Variants in ZBTB20 observed in about 807,000 individuals in gnomAD.
The protein encoded by ZBTB20 is zinc finger and BTB domain-containing protein 20.
A neutral mutation model predicts 56.9 loss-of-function variants in ZBTB20; 9 were observed. That is an observed-to-expected ratio of 0.16 (90% CI 0.10 to 0.28). The LOEUF (loss-of-function observed/expected upper bound fraction) is 0.28, where lower values mean the gene tolerates loss of function less well. Ranked by LOEUF, ZBTB20 falls within the 10% of genes least tolerant of loss-of-function variation. The probability of loss-of-function intolerance (pLI) is 1.00; values close to 1 mark genes in which losing one functional copy is unlikely to be tolerated. For missense variants in ZBTB20, 655 were observed against 1,003.0 expected (o/e 0.65, Z 4.69); for synonymous variants, 417 against 420.7 (o/e 0.99, Z 0.11).
intron 5 of ZBTB20, among the ~76,000 whole-genome samples, chr3:114,794,988 C>T (rs920668166): frequency 5.3e-5 from 8 of 152,074 alleles, no homozygotes; most frequent in Non-Finnish European, 7.4e-5. Flanking sequence ...TGCATCTCTA[C>T]ATTACACAAC....
intron 4 of ZBTB20, among the ~76,000 whole-genome samples, chr3:114,823,248 G>A (rs1028788504): frequency 1.3e-5 from 2 of 152,122 alleles, no homozygotes; most frequent in Non-Finnish European, 2.9e-5. Context: ...CCTGAGGCAT[G>A]TAGGGAGGGC....
intron 5 of ZBTB20, among the ~76,000 whole-genome samples, chr3:114,780,199 C>T (rs1163328817): frequency 6.6e-6 from 1 of 151,948 alleles, no homozygotes; most frequent in Non-Finnish European, 1.5e-5. Context: ...TGGAGTCTTC[C>T]CATAGGGACT....
rs146610354 is a variant in ZBTB20, at chr3:115,067,711, A to G, written c.-507+3508T>C. Among the ~76,000 whole-genome samples the G allele has an allele frequency of 5.3e-5, 8 of 152,254 alleles. No individual in the cohort carries two copies. In the East Asian group the frequency reaches 1.4e-3, roughly 26 times the overall value. ...ATATTCAAACTGGCTTCTAAGCAAAATAGAACAGAAACATTGCACATGCAC... is the reference window on the plus strand; with the variant it reads ...ATATTCAAACTGGCTTCTAAGCAAAGTAGAACAGAAACATTGCACATGCAC... On this transcript the variant is annotated intron_variant, in intron 2 of 11. Transcript: ENST00000675478.
At chr3:114,478,217 C>G (rs1031001998) in intron 7 of ZBTB20, among the ~76,000 whole-genome samples, 1 of 152,138 alleles carries the variant, frequency 6.6e-6, no homozygotes, top group Non-Finnish European at 1.5e-5. Flanking sequence ...CCGCCTGCCT[C>G]GGCCTCCCAA....
intron 3 of ZBTB20, among the ~76,000 whole-genome samples, chr3:114,963,557 C>T (rs906321728): frequency 6.6e-5 from 10 of 152,144 alleles, no homozygotes. Flanking sequence ...ATGTAAAAGG[C>T]TAATTGCTGC....
rs1327613288 is a variant in ZBTB20 at position 114,329,031 on chromosome 3, A to T, written c.*9974T>A. 6 of 152,206 alleles carry T rather than the reference A, an allele frequency of 3.9e-5. No individual in the cohort carries two copies. The highest frequency in any genetic ancestry group is 8.8e-5 in the Non-Finnish European group (6 of 68,034). 9.4% of individuals were successfully genotyped at this position (152,206 alleles called of 1,614,324 possible). ...TCTGCTGGAACACTTTGGAGAACAG[A>T]TTGGTAATTTTGCCATTACACTAGA... On this transcript the variant is annotated 3_prime_UTR_variant, in exon 12 of 12. Coordinates refer to ENST00000675478, the MANE Select transcript of ZBTB20 (RefSeq NM_001348800.3).
intron 7 of ZBTB20, among the ~76,000 whole-genome samples, chr3:114,409,933 A>C (rs972459707): frequency 6.6e-6 from 1 of 152,192 alleles, no homozygotes; most frequent in Non-Finnish European, 1.5e-5. Flanking sequence ...GTTGGGATTC[A>C]TCAGGCAGCT....
chr3:114,615,273 C>T (rs2057854373), intron 6 of ZBTB20, among the ~76,000 whole-genome samples: 3 of 152,108 alleles, frequency 2.0e-5, no homozygotes, highest in African/African-American at 7.2e-5. Context: ...GCATTCAACT[C>T]CAATATGATG....
chr3:114,781,287 T>C (rs776383047), intron 5 of ZBTB20, among the ~76,000 whole-genome samples: 2 of 152,088 alleles, frequency 1.3e-5, no homozygotes, highest in African/African-American at 4.8e-5. Flanking sequence ...ACAAGAGTTG[T>C]TGTGAGGATG....
intron 7 of ZBTB20, among the ~76,000 whole-genome samples, chr3:114,447,345 A>G (rs2091332194): frequency 6.6e-6 from 1 of 152,204 alleles, no homozygotes; most frequent in African/African-American, 2.4e-5. Flanking sequence ...TGCACAGTTC[A>G]GATAGCTTGG....
At chr3:114,895,315 T>C (rs143729454) in intron 4 of ZBTB20, among the ~76,000 whole-genome samples, 2 of 152,286 alleles carry the variant, frequency 1.3e-5, no homozygotes, top group Non-Finnish European at 2.9e-5. Context: ...TTGATGCATA[T>C]GAAAGTAACT....
chr3:114,757,077 C>T (rs1215126324), intron 5 of ZBTB20, among the ~76,000 whole-genome samples: 3 of 152,116 alleles, frequency 2.0e-5, no homozygotes, highest in African/African-American at 7.2e-5. Flanking sequence ...AGTCTGGCCT[C>T]CGCATGTCTC....
Position 114,315,738 on chromosome 3 carries a change from A to C in ZBTB20, c.*23267T>G, listed in dbSNP as rs1351939708. ...CAACACTGCGGCGGGAAAATCAGGA[A>C]ATGGGTTCACCTTTCAGCAGTCACC... On this transcript the variant is annotated 3_prime_UTR_variant, in exon 12 of 12. Transcript: ENST00000675478. 1.3e-5 allele frequency: 2 copies of C among 152,216 alleles called. No individual in the cohort carries two copies. Among genetic ancestry groups the C allele is most frequent in the Non-Finnish European group, 2.9e-5 (2 of 68,056 alleles). The allele number at this position is 152,216 out of a possible 1,614,324, so 9.4% of individuals were successfully genotyped here.
chr3:115,071,581 T>C (rs564587289), intron 1 of ZBTB20, among the ~76,000 whole-genome samples, 167 bp from the exon 2 acceptor site: 10 of 152,258 alleles, frequency 6.6e-5, no homozygotes, highest in Non-Finnish European at 1.2e-4. Context: ...TTTCCACTGG[T>C]CAGAATAATT....
chr3:114,432,534 C>T (rs2090195501), intron 7 of ZBTB20, among the ~76,000 whole-genome samples: 1 of 152,208 alleles, frequency 6.6e-6, no homozygotes, highest in African/African-American at 2.4e-5. Flanking sequence ...ATGCCTCTCA[C>T]TTCAGTAGCA....
chr3:114,723,104 A>G (rs1286438769), intron 5 of ZBTB20, among the ~76,000 whole-genome samples: 1 of 152,202 alleles, frequency 6.6e-6, no homozygotes, highest in Non-Finnish European at 1.5e-5. Context: ...AACTTGCAAA[A>G]ATAATATCAG....
chr3:114,646,107 AT>A (rs922314671), intron 6 of ZBTB20, among the ~76,000 whole-genome samples: 6 of 112,230 alleles, frequency 5.3e-5, no homozygotes, highest in Admixed American at 9.5e-5. Context: ...TTTAGAAATA[AT>A]TTTTTCTCAA....
At chr3:114,544,068 AG>A (rs1283053048) in intron 6 of ZBTB20, among the ~76,000 whole-genome samples, 1 of 152,230 alleles carries the variant, frequency 6.6e-6, no homozygotes, top group East Asian at 1.9e-4. Context: ...CTGCTTTAAC[AG>A]TGAGAACAAC....
At chr3:114,672,390 G>A (rs1303191364) in intron 6 of ZBTB20, among the ~76,000 whole-genome samples, 1 of 152,090 alleles carries the variant, frequency 6.6e-6, no homozygotes. Flanking sequence ...TTGTGGGCAG[G>A]ATGAAAAATT....
Sources: allele counts gnomAD v4.1 joint callset (sites outside exome capture counted in the v4.1 genomes callset), GRCh38; gene constraint gnomAD v4.1.1; transcripts MANE v1.5; gene names NCBI Gene and HGNC (gene_info 2026-07-23, HGNC 2026-07-21).